The following GRM6 variants were observed in gnomAD, a reference collection of about 807,000 sequenced individuals.
GRM6 encodes glutamate metabotropic receptor 6.
GRM6 carries 73 observed loss-of-function variants against 78.4 expected under a neutral mutation model. That is an observed-to-expected ratio of 0.93 (90% CI 0.77 to 1.13). The LOEUF (loss-of-function observed/expected upper bound fraction) is 1.13. GRM6 is among the 50% of genes most tolerant of loss of function. GRM6 has a pLI of 0.00. For missense variants in GRM6, 1,251 were observed against 1,256.4 expected, an observed-to-expected ratio of 1.00 and a Z score of 0.07; for synonymous variants, 580 against 555.0, an observed-to-expected ratio of 1.05 and a Z score of -0.63.
chr5:178,991,871 C>A lies in GRM6; in HGVS notation c.717G>T (p.Glu239Asp), dbSNP rs775261569. ...GVEAFVQISR[E>D]AGGVCIAQSI... is the part of the protein sequence containing the mutation. Reference sequence around the variant, plus strand: ...GCCTCGGAGCCCCCAGCTCACCAGCCTCTCGGGAGATCTGAACGAAGGCCT... The same window carrying A: ...GCCTCGGAGCCCCCAGCTCACCAGCATCTCGGGAGATCTGAACGAAGGCCT... Residue 239 changes from glutamate to aspartate, a missense_variant, in exon 3 of 11, where the codon GAG becomes GAT. Physicochemically the swap from Glu to Asp is conservative, Grantham distance 45. Coordinates refer to ENST00000517717, the MANE Select transcript of GRM6 (RefSeq NM_000843.4). The surrounding 1 kb of genome is among the most constrained non-coding windows in gnomAD (Gnocchi z 5.0). 2 of 1,613,350 alleles carry A rather than the reference C, an allele frequency of 1.2e-6. No homozygotes were observed. Among genetic ancestry groups the A allele is most frequent in the East Asian group, 2.2e-5 (1 of 44,864 alleles).
rs987515873 is a variant in GRM6, at chr5:178,983,499, T to C, written c.2125-278A>G. The stretch of plus-strand genomic sequence containing the variant: ...ATATGTTGGCAACATCAGTGCAGTG[T>C]GCATAAGGGGCAGCTTGGTGTCCTC... On this transcript the variant is annotated intron_variant, in intron 9 of 10. Coordinates refer to ENST00000517717, the MANE Select transcript of GRM6 (RefSeq NM_000843.4). 2.3e-5 allele frequency: 15 copies of C among 645,256 alleles called. No homozygotes were observed. In the Middle Eastern group the frequency reaches 7.2e-4, roughly 31 times the overall value. 40.0% of individuals were successfully genotyped at this position (645,256 alleles called of 1,614,324 possible).
intron 2 of GRM6, among the ~76,000 whole-genome samples, chr5:178,994,039 C>G (rs1379264387): frequency 6.6e-6 from 1 of 152,252 alleles, no homozygotes; most frequent in South Asian, 2.1e-4. Flanking sequence ...CCAAACAAAA[C>G]TCAAAGTTGC....
intron 10 of GRM6, among the ~76,000 whole-genome samples, chr5:178,982,508 C>T (rs67428898): frequency 0.28 from 37,118 of 134,908 alleles, 5,225 homozygotes; most frequent in Admixed American, 0.39. Context: ...ACCCAGGAGG[C>T]GGAGCTTGCA....
Position 178,994,524 on chromosome 5 carries a change from G to T in GRM6, c.421C>A (p.Pro141Thr). ...PGGVPPLRPA[P>T]PERVVAVVGA... ...ACGACGGCCACGACGCGCTCGGGGGGCGCGGGGCGCAGCGGAGGGACGCCT... is the reference window on the plus strand; with the variant it reads ...ACGACGGCCACGACGCGCTCGGGGGTCGCGGGGCGCAGCGGAGGGACGCCT... The change falls in exon 2 of 11, where the codon CCC becomes ACC. Residue 141 changes from proline (P) to threonine (T), a missense_variant. Coordinates refer to ENST00000517717, the MANE Select transcript of GRM6 (RefSeq NM_000843.4). The T allele has an allele frequency of 7.2e-7, 1 of 1,396,524 alleles. No individual in the cohort carries two copies. The highest frequency in any genetic ancestry group is 1.5e-5 in the African/African-American group (1 of 66,248). The allele number at this position is 1,396,524 out of a possible 1,614,324, so 86.5% of individuals were successfully genotyped here.
chr5:178,986,921 A>G lies in GRM6; in HGVS notation c.1417T>C (p.Phe473Leu). Residue 473 changes from phenylalanine to leucine, a missense_variant, in exon 8 of 11, where the codon TTC becomes CTC. Transcript: ENST00000517717. ...CTGCCATTGGTCGCCTGGTACTGGA[A>G]GATGTCGTACCGCCCGGGCGCATCT... ...NGDAPGRYDI[F>L]QYQATNGSAS... is the part of the protein sequence containing the mutation. The G allele has an allele frequency of 6.2e-7, 1 of 1,614,120 alleles. No individual in the cohort carries two copies. The highest frequency in any genetic ancestry group is 8.5e-7 in the Non-Finnish European group (1 of 1,179,996).
At position 178,994,911 on chromosome 5, in the gene GRM6, G is replaced by C. The variant is rs1348905209; in HGVS notation, c.34C>G (p.Leu12Val). The change falls in exon 2 of 11, where the codon CTC becomes GTC. Residue 12 changes from leucine to valine, a missense_variant. Physicochemically the swap from Leu to Val is conservative, Grantham distance 32. Transcript: ENST00000517717. ...ARPRRAREPL[L>V]VALLPLAWLA... ...CACGCCAGCGGCAGCAGCGCCACGA[G>C]CAGCGGCTCCCGGGCTCTCCGGGGC... 1 of 1,209,764 alleles carries C rather than the reference G, an allele frequency of 8.3e-7. No homozygotes were observed. The highest frequency in any genetic ancestry group is 3.7e-5 in the East Asian group (1 of 26,876). The allele number at this position is 1,209,764 out of a possible 1,614,324, so 74.9% of individuals were successfully genotyped here.
Position 178,990,754 on chromosome 5 carries a change from G to A in GRM6, c.858-8C>T. 2 of 1,559,156 alleles carry A rather than the reference G, an allele frequency of 1.3e-6. No individual in the cohort carries two copies. Among genetic ancestry groups the A allele is most frequent in the Non-Finnish European group, 1.7e-6 (2 of 1,152,314 alleles). On this transcript the variant is annotated splice_polypyrimidine_tract_variant and splice_region_variant and intron_variant, in intron 4 of 10. Transcript: ENST00000517717. ...GCTGCCTCCAGGACCCGCCTGGTAGGAGCAGGGCTGGGGTGAGGGAGGGCC... is the reference window on the plus strand; with the variant it reads ...GCTGCCTCCAGGACCCGCCTGGTAGAAGCAGGGCTGGGGTGAGGGAGGGCC...
intron 2 of GRM6, among the ~76,000 whole-genome samples, chr5:178,993,961 G>T (rs1300095716): frequency 1.3e-5 from 2 of 152,202 alleles, no homozygotes; most frequent in African/African-American, 2.4e-5. Flanking sequence ...GACCTTTCAG[G>T]CCTATCCATC....
In GRM6 at chr5:178,992,155, C is replaced by A; in HGVS notation, c.505-72G>T. On this transcript the variant is annotated intron_variant, in intron 2 of 10. Transcript: ENST00000517717. The surrounding 1 kb of genome is among the most constrained non-coding windows in gnomAD (Gnocchi z 4.9). ...TCAAGAGAGGGAGGGTAAGGGGGGC[C>A]CAGGACACGGACGGGGCACAGAAGG... is the stretch of plus-strand genomic sequence containing the variant. 2 of 1,016,834 alleles carry A rather than the reference C, an allele frequency of 2.0e-6. No individual in the cohort carries two copies. 63.0% of individuals were successfully genotyped at this position (1,016,834 alleles called of 1,614,324 possible).
chr5:178,983,264 A>T, intron 9 of GRM6, 43 bp from the exon 10 acceptor site: 1 of 1,549,790 alleles, frequency 6.5e-7, no homozygotes, highest in South Asian at 1.1e-5. Flanking sequence ...CTTTCCAGGG[A>T]CAAATCCATT....
Position 178,994,744 on chromosome 5 carries a change from G to A in GRM6, c.201C>T (p.His67=), listed in dbSNP as rs1415659265. The A allele has an allele frequency of 6.9e-7, 1 of 1,441,012 alleles. No homozygotes were observed. Among genetic ancestry groups the A allele is most frequent in the African/African-American group, 1.5e-5 (1 of 67,608 alleles). The allele number at this position is 1,441,012 out of a possible 1,614,324, so 89.3% of individuals were successfully genotyped here. A position where few individuals can be genotyped will look rare whatever the true frequency, so the allele number is the denominator to read the frequency against. Residue 67 remains histidine, a synonymous_variant, in exon 2 of 11, where the codon CAC becomes CAT. Transcript: ENST00000517717. ...GCGCGTACAGCATGGCCTCCAGCCG[G>A]TGCACGCCCTGCTCCTTCTTCAGCT... ...CGQLKKEQGV[H]RLEAMLYALD...
chr5:178,990,265 A>G (rs1561719764), intron 5 of GRM6: 1 of 383,096 alleles, frequency 2.6e-6, no homozygotes, highest in Non-Finnish European at 5.0e-6. Flanking sequence ...TATATTCCGT[A>G]TCCTTGGTTT....
Position 178,986,462 on chromosome 5 carries a change from C to T in GRM6, c.1792G>A (p.Val598Met), listed in dbSNP as rs762298237. The T allele has an allele frequency of 3.8e-5, 62 of 1,612,478 alleles. No individual in the cohort carries two copies. Among genetic ancestry groups the T allele is most frequent in the Non-Finnish European group, 5.1e-5 (60 of 1,179,708 alleles). The change falls in exon 9 of 11, where the codon GTG becomes ATG. Residue 598 changes from valine to methionine, a missense_variant. Coordinates refer to ENST00000517717, the MANE Select transcript of GRM6 (RefSeq NM_000843.4). ...PPLLLAVLGIVATTTVVATFV... is the reference protein window; with the variant it reads ...PPLLLAVLGIMATTTVVATFV... ...GTGGCCACCACCGTGGTAGTGGCCA[C>T]GATGCCCAGCACGGCCAGGAGGAGC...
In GRM6 at chr5:178,986,898, G is replaced by A. The variant is rs781321888; in HGVS notation, c.1440C>T (p.Gly480=). 1 of 1,614,154 alleles carries A rather than the reference G, an allele frequency of 6.2e-7. No homozygotes were observed. Among genetic ancestry groups the A allele is most frequent in the South Asian group, 1.1e-5 (1 of 91,086 alleles). ...YDIFQYQATN[G]SASSGGYQAV... is the part of the protein sequence containing the mutation. The stretch of plus-strand genomic sequence containing the variant: ...CCTGGTACCCGCCACTGCTGGCACT[G>A]CCATTGGTCGCCTGGTACTGGAAGA... Residue 480 remains glycine, a synonymous_variant, in exon 8 of 11, where the codon GGC becomes GGT. Coordinates refer to ENST00000517717, the MANE Select transcript of GRM6 (RefSeq NM_000843.4).
intron 5 of GRM6, chr5:178,989,750 G>A: frequency 2.6e-6 from 1 of 390,074 alleles, no homozygotes; most frequent in South Asian, 2.2e-5. Flanking sequence ...CTGTTAGGAT[G>A]CTGCTGTGAA....
Position 178,986,539 on chromosome 5 carries a change from C to G in GRM6, c.1715G>C (p.Arg572Pro). The G allele has an allele frequency of 6.2e-7, 1 of 1,607,562 alleles. No individual in the cohort carries two copies. The highest frequency in any genetic ancestry group is 1.3e-5 in the African/African-American group (1 of 75,010). ...MRPTPNHTGC[R>P]PTPVVRLSWS... ...GCTCAGGCGCACCACAGGTGTGGGGCGGCAGCCCGTGTGGTTGGGCGTGGG... is the reference window on the plus strand; with the variant it reads ...GCTCAGGCGCACCACAGGTGTGGGGGGGCAGCCCGTGTGGTTGGGCGTGGG... The change falls in exon 9 of 11, where the codon CGC becomes CCC. Residue 572 changes from arginine (R) to proline (P), a missense_variant. By Grantham distance (103) the Arg-to-Pro change is moderately radical (BLOSUM62 -2). Transcript: ENST00000517717.
chr5:178,982,810 G>A (rs17078862), intron 10 of GRM6, 100 bp downstream of exon 10: 38,089 of 832,060 alleles, frequency 0.046, 1,400 homozygotes, highest in East Asian at 0.16. Context: ...AGCCAGATAC[G>A]GGATAAACAA....
Position 178,994,847 on chromosome 5 carries a change from A to G in GRM6, c.98T>C (p.Val33Ala). 2 of 1,221,552 alleles carry G rather than the reference A, an allele frequency of 1.6e-6. No homozygotes were observed. The highest frequency in any genetic ancestry group is 2.0e-6 in the Non-Finnish European group (2 of 981,190). The allele number at this position is 1,221,552 out of a possible 1,614,324, so 75.7% of individuals were successfully genotyped here. A position where few individuals can be genotyped will look rare whatever the true frequency, so the allele number is the denominator to read the frequency against. The change falls in exon 2 of 11, where the codon GTG (valine) becomes GCG (alanine). Residue 33 changes from valine (V) to alanine (A), a missense_variant. Coordinates refer to ENST00000517717, the MANE Select transcript of GRM6 (RefSeq NM_000843.4). ...CAGCGTCAGGCCGCCCGCCAGGCGC[A>G]CAGAGCCCGCCGCGCGCGCCAGGCC... Reference protein sequence around the residue: ...QAGLARAAGSVRLAGGLTLGG... With the variant: ...QAGLARAAGSARLAGGLTLGG...
intron 2 of GRM6, among the ~76,000 whole-genome samples, chr5:178,993,774 C>G (rs891990058): frequency 1.3e-5 from 2 of 152,138 alleles, no homozygotes; most frequent in East Asian, 3.9e-4. Flanking sequence ...CTGCCCCTCA[C>G]GGGACAGTTC....
Sources: allele counts gnomAD v4.1 joint callset (sites outside exome capture counted in the v4.1 genomes callset), GRCh38; gene constraint gnomAD v4.1.1; non-coding constraint Gnocchi (gnomAD v3.1); transcripts MANE v1.5; gene names NCBI Gene and HGNC (gene_info 2026-07-23, HGNC 2026-07-21).